The following ZFHX3 variants were observed in gnomAD, a reference collection of about 807,000 sequenced individuals.
ZFHX3 encodes the protein zinc finger homeobox 3, also known as zinc finger homeobox protein 3.
Under a neutral mutation model 279.1 loss-of-function variants are expected in ZFHX3, and 42 were observed. That is an observed-to-expected ratio of 0.15 (90% CI 0.12 to 0.19). The LOEUF (loss-of-function observed/expected upper bound fraction) is 0.19. ZFHX3 is among the 10% of genes least tolerant of loss of function. ZFHX3 has a pLI of 1.00. For synonymous variants in ZFHX3, 2,293 were observed against 1,957.8 expected, an observed-to-expected ratio of 1.17 and a Z score of -4.52; for missense variants, 4,981 against 4,754.0, an observed-to-expected ratio of 1.05 and a Z score of -1.40.
At chr16:73,786,231 T>A (rs906708811) in intron 1 of ZFHX3, among the ~76,000 whole-genome samples, 1 of 152,180 alleles carries the variant, frequency 6.6e-6, no homozygotes, top group Non-Finnish European at 1.5e-5. Context: ...CCTCTTCCTT[T>A]GTGTCTCTGA....
At chr16:73,677,470 C>G (rs536549833) in intron 2 of ZFHX3, among the ~76,000 whole-genome samples, 1 of 151,708 alleles carries the variant, frequency 6.6e-6, no homozygotes, top group Admixed American at 6.6e-5. Flanking sequence ...AAGCATGCAA[C>G]TTTAAAAGCT....
At chr16:73,667,234 C>G (rs1033439695) in intron 2 of ZFHX3, among the ~76,000 whole-genome samples, 1 of 152,168 alleles carries the variant, frequency 6.6e-6, no homozygotes, top group African/African-American at 2.4e-5. Flanking sequence ...TTGTGATCCA[C>G]CCGCCTCAGC....
intron 2 of ZFHX3, among the ~76,000 whole-genome samples, chr16:73,516,327 A>G (rs1233489172): frequency 1.3e-5 from 2 of 152,228 alleles, no homozygotes; most frequent in African/African-American, 4.8e-5. Flanking sequence ...AGAAAAGAAA[A>G]TACGAGTGTG....
intron 1 of ZFHX3, among the ~76,000 whole-genome samples, chr16:73,773,835 A>C (rs1250107001): frequency 5.3e-5 from 8 of 152,148 alleles, no homozygotes; most frequent in African/African-American, 1.4e-4. Context: ...CTGGTACAAC[A>C]CTTCTAAAAA....
At chr16:73,723,970 G>T (rs1486011276) in intron 1 of ZFHX3, among the ~76,000 whole-genome samples, 1 of 152,152 alleles carries the variant, frequency 6.6e-6, no homozygotes, top group East Asian at 1.9e-4. Context: ...ATCGCCTTTG[G>T]TCTCTGATAA....
chr16:73,755,646 TGA>T (rs2053801706), intron 1 of ZFHX3, among the ~76,000 whole-genome samples: 2 of 152,198 alleles, frequency 1.3e-5, no homozygotes, highest in African/African-American at 2.4e-5. Flanking sequence ...GGAATTGTCC[TGA>T]CAGCTCACAG....
intron 4 of ZFHX3, among the ~76,000 whole-genome samples, chr16:72,835,167 G>A (rs1353630414): frequency 6.6e-6 from 1 of 152,186 alleles, no homozygotes; most frequent in Non-Finnish European, 1.5e-5. Flanking sequence ...GTTTGAGGGT[G>A]GGGGTGAAAT....
intron 5 of ZFHX3, among the ~76,000 whole-genome samples, chr16:73,234,162 TG>T (rs930494266): frequency 1.3e-5 from 2 of 152,126 alleles, no homozygotes; most frequent in African/African-American, 4.8e-5. Context: ...GCGGAATGTT[TG>T]GGTATTTATG....
chr16:73,317,961 C>T (rs2015491582), intron 4 of ZFHX3, among the ~76,000 whole-genome samples: 1 of 152,150 alleles, frequency 6.6e-6, no homozygotes, highest in South Asian at 2.1e-4. Flanking sequence ...AGGAGGGTGA[C>T]AACCTTTACA....
At chr16:73,122,355 G>A (rs1198354231) in intron 7 of ZFHX3, among the ~76,000 whole-genome samples, 7 of 151,576 alleles carry the variant, frequency 4.6e-5, no homozygotes, top group Non-Finnish European at 7.4e-5. Flanking sequence ...ACAGGTGCAT[G>A]CCAGGCTAAT....
At chr16:73,644,699 CA>C (rs1349468888) in intron 2 of ZFHX3, among the ~76,000 whole-genome samples, 1 of 151,792 alleles carries the variant, frequency 6.6e-6, no homozygotes, top group Non-Finnish European at 1.5e-5. Flanking sequence ...AAAACCTCAG[CA>C]GTTTCCAGTA....
In ZFHX3 at chr16:72,931,696, T is replaced by C. The variant is rs962521812; in HGVS notation, c.3216+18773A>G. On this transcript the variant is annotated intron_variant, in intron 3 of 9. Coordinates refer to ENST00000268489, the MANE Select transcript of ZFHX3 (RefSeq NM_006885.4). Reference sequence around the variant, plus strand: ...AGGTGCTCCCTACAGTGAAGGGAGATTGGGATGATACAGCCACAAGCAAGG... The same window carrying C: ...AGGTGCTCCCTACAGTGAAGGGAGACTGGGATGATACAGCCACAAGCAAGG... 7.2e-5 allele frequency among the ~76,000 whole-genome samples: 11 copies of C among 151,970 alleles called. No individual in the cohort carries two copies. In the East Asian group the frequency reaches 1.9e-3, roughly 27 times the overall value.
At chr16:73,560,700 C>T (rs115483735) in intron 2 of ZFHX3, among the ~76,000 whole-genome samples, 1 of 152,164 alleles carries the variant, frequency 6.6e-6, no homozygotes, top group Non-Finnish European at 1.5e-5. Flanking sequence ...GTGGACTACA[C>T]GAGTACTATC....
At chr16:73,508,582 G>C (rs2143681509) in intron 2 of ZFHX3, among the ~76,000 whole-genome samples, 1 of 152,298 alleles carries the variant, frequency 6.6e-6, no homozygotes, top group South Asian at 2.1e-4. Context: ...CATGGAACCA[G>C]TTAGGGAAAA....
At chr16:73,761,769 C>T (rs933816209) in intron 1 of ZFHX3, among the ~76,000 whole-genome samples, 1 of 152,124 alleles carries the variant, frequency 6.6e-6, no homozygotes, top group African/African-American at 2.4e-5. Flanking sequence ...GCTGGGATAA[C>T]TGGTAGCCAT....
intron 1 of ZFHX3, among the ~76,000 whole-genome samples, chr16:73,830,000 C>A (rs1425343082): frequency 9.0e-6 from 1 of 110,666 alleles, no homozygotes; most frequent in Non-Finnish European, 1.8e-5. Context: ...GCCCCTCCCC[C>A]AGCCTCGTTG....
At chr16:73,482,467 C>A (rs1480442724) in intron 2 of ZFHX3, among the ~76,000 whole-genome samples, 1 of 152,162 alleles carries the variant, frequency 6.6e-6, no homozygotes, top group Non-Finnish European at 1.5e-5. Context: ...CCACTCCCTG[C>A]TAGAGGGGTC....
intron 1 of ZFHX3, among the ~76,000 whole-genome samples, chr16:72,981,040 A>T (rs1179844969): frequency 1.3e-5 from 2 of 152,156 alleles, no homozygotes; most frequent in Non-Finnish European, 2.9e-5. Context: ...TTCAGTCTTG[A>T]GTCAATACGT....
chr16:72,867,521 T>A (rs2143936204), intron 4 of ZFHX3, among the ~76,000 whole-genome samples: 1 of 152,296 alleles, frequency 6.6e-6, no homozygotes, highest in East Asian at 1.9e-4. Context: ...AACATCGTAA[T>A]CCCATGCTAA....
Sources: gnomAD v4.1 joint callset for allele counts (sites outside exome capture counted in the v4.1 genomes callset) on GRCh38, gnomAD v4.1.1 for gene constraint, MANE v1.5 for transcripts, NCBI Gene and HGNC (gene_info 2026-07-23, HGNC 2026-07-21) for gene names.